The following EPS15 variants were observed in gnomAD, a reference collection of about 807,000 sequenced individuals.
EPS15 encodes epidermal growth factor receptor pathway substrate 15, also known as epidermal growth factor receptor substrate 15.
EPS15 carries 72 observed loss-of-function variants against 113.8 expected under a neutral mutation model. The ratio of observed to expected loss-of-function variants is 0.63; its 90% CI spans 0.52 to 0.77. The LOEUF (loss-of-function observed/expected upper bound fraction) is 0.77, where lower values mean the gene tolerates loss of function less well. Among genes scored for constraint, EPS15 ranks in the 30% least tolerant of loss-of-function variants. The pLI, the probability that EPS15 is intolerant of heterozygous loss-of-function variation, is 0.00. For synonymous variants in EPS15, 344 were observed against 363.4 expected (o/e 0.95, Z 0.61); for missense variants, 1,048 against 1,045.8 (o/e 1.00, Z -0.03).
chr1:51,399,184 A>C lies in EPS15; in HGVS notation c.1919-19T>G, dbSNP rs1293466098. ...AATGGATCTAAAAAAATAAGGCACG[A>C]ATATAAGAGACAAAAAAAAATTATT... On this transcript the variant is annotated intron_variant, in intron 19 of 24. Transcript: ENST00000371733. 6.2e-7 allele frequency: 1 copy of C among 1,607,944 alleles called. No homozygotes were observed. The highest frequency in any genetic ancestry group is 8.5e-7 in the Non-Finnish European group (1 of 1,177,120).
chr1:51,486,899 A>C (rs1372249755), intron 1 of EPS15, among the ~76,000 whole-genome samples: 1 of 151,872 alleles, frequency 6.6e-6, no homozygotes, highest in Non-Finnish European at 1.5e-5. Flanking sequence ...TGAACTCCTG[A>C]CCTCAGGTGA....
chr1:51,401,048 AGTTT>A, intron 18 of EPS15, 95 bp from the exon 19 acceptor site: 3 of 744,752 alleles, frequency 4.0e-6, no homozygotes, highest in Non-Finnish European at 6.6e-6. Flanking sequence ...AGCAAAGCAA[AGTTT>A]ATTTCAATAA....
chr1:51,373,857 AG>A (rs1454469051), intron 21 of EPS15, among the ~76,000 whole-genome samples: 1 of 152,178 alleles, frequency 6.6e-6, no homozygotes, highest in Non-Finnish European at 1.5e-5. Flanking sequence ...AGGCTGAGGC[AG>A]GAGAATCACT....
intron 1 of EPS15, among the ~76,000 whole-genome samples, chr1:51,483,791 C>A (rs1644067449): frequency 6.8e-6 from 1 of 147,888 alleles, no homozygotes; most frequent in South Asian, 2.2e-4. Context: ...AGCAAAAGAG[C>A]AAGACTCCAC....
At chr1:51,461,241 G>C in intron 7 of EPS15, 91 bp from the exon 8 acceptor site, 4 of 907,358 alleles carry the variant, frequency 4.4e-6, no homozygotes, top group Non-Finnish European at 7.2e-6. Flanking sequence ...AGCTAGGAAT[G>C]GTGGCTCATG....
chr1:51,429,741 C>T (rs1227921040), intron 12 of EPS15, among the ~76,000 whole-genome samples: 1 of 151,540 alleles, frequency 6.6e-6, no homozygotes, highest in Non-Finnish European at 1.5e-5. Flanking sequence ...ACCTCTGCCT[C>T]CCGCATTCAA....
At position 51,421,777 on chromosome 1, in the gene EPS15, G is replaced by T; in HGVS notation, c.1113+9C>A. The T allele has an allele frequency of 6.5e-7, 1 of 1,535,528 alleles. No individual in the cohort carries two copies. The highest frequency in any genetic ancestry group is 8.8e-7 in the Non-Finnish European group (1 of 1,132,386). The stretch of plus-strand genomic sequence containing the variant: ...CAGCAGTGGAACACTAAATTTTATG[G>T]TCACTTACCTGAACCTCACTTGTCC... On this transcript the variant is annotated intron_variant, in intron 13 of 24. Coordinates refer to ENST00000371733, the MANE Select transcript of EPS15 (RefSeq NM_001981.3).
intron 1 of EPS15, among the ~76,000 whole-genome samples, chr1:51,497,585 G>C (rs576758278): frequency 6.6e-6 from 1 of 152,114 alleles, no homozygotes; most frequent in Admixed American, 6.5e-5. Context: ...CCCAATTCAC[G>C]CATCTTAGAA....
intron 24 of EPS15, among the ~76,000 whole-genome samples, chr1:51,360,965 G>T (rs925503529): frequency 6.6e-6 from 1 of 152,108 alleles, no homozygotes; most frequent in Non-Finnish European, 1.5e-5. Flanking sequence ...CAAGAACTGG[G>T]ACTACTAAAA....
At chr1:51,460,840 G>C (rs1165339822) in intron 8 of EPS15, 2 of 347,008 alleles carry the variant, frequency 5.8e-6, no homozygotes, top group Non-Finnish European at 1.1e-5. Context: ...TGCAATCCCA[G>C]ATACTTGGGA....
Position 51,355,993 on chromosome 1 carries a change from T to G in EPS15, c.*707A>C, listed in dbSNP as rs1557759397. 5.2e-6 allele frequency: 1 copy of G among 193,040 alleles called. No individual in the cohort carries two copies. The highest frequency in any genetic ancestry group is 1.1e-5 in the Non-Finnish European group (1 of 92,620). 12.0% of individuals were successfully genotyped at this position (193,040 alleles called of 1,614,324 possible). A position where few individuals can be genotyped will look rare whatever the true frequency, so the allele number is the denominator to read the frequency against. On this transcript the variant is annotated 3_prime_UTR_variant, in exon 25 of 25. Coordinates refer to ENST00000371733, the MANE Select transcript of EPS15 (RefSeq NM_001981.3). ...GATTTTTATTAATTAGCAAACACAC[T>G]GAGAGGTATCTGTTGATCTAAAATT...
chr1:51,506,445 A>G (rs947754557), intron 1 of EPS15, among the ~76,000 whole-genome samples: 1 of 152,206 alleles, frequency 6.6e-6, no homozygotes, highest in Admixed American at 6.5e-5. Context: ...TTAAATATTT[A>G]TCAAACAGAC....
chr1:51,391,835 C>G (rs72694169), intron 21 of EPS15, among the ~76,000 whole-genome samples: 4,584 of 152,156 alleles, frequency 0.03, 74 homozygotes, highest in African/African-American at 0.05. Flanking sequence ...ATGAAGATGT[C>G]GAAGGTGCCA....
intron 4 of EPS15, 91 bp downstream of exon 4, chr1:51,471,599 A>G: frequency 9.6e-7 from 1 of 1,045,518 alleles, no homozygotes; most frequent in Non-Finnish European, 1.5e-6. Flanking sequence ...GTAAAAACCA[A>G]TTCTTGGCTT....
chr1:51,497,989 A>C (rs924448383), intron 1 of EPS15, among the ~76,000 whole-genome samples: 48 of 152,222 alleles, frequency 3.2e-4, no homozygotes, highest in East Asian at 3.9e-4. Flanking sequence ...AAAAAAAAAA[A>C]AACTAGTGTG....
At chr1:51,412,593 T>A (rs1467283426) in intron 13 of EPS15, among the ~76,000 whole-genome samples, 1 of 152,234 alleles carries the variant, frequency 6.6e-6, no homozygotes, top group Non-Finnish European at 1.5e-5. Context: ...CCAGCATGCC[T>A]AATTTTTTTC....
chr1:51,488,472 TAAAAAAAAA>T (rs71063033), intron 1 of EPS15, among the ~76,000 whole-genome samples: 1 of 85,304 alleles, frequency 1.2e-5, no homozygotes, highest in East Asian at 3.5e-4. Flanking sequence ...TAAAGTTTTG[TAAAAAAAAA>T]AAAAAAAAAA....
intron 21 of EPS15, among the ~76,000 whole-genome samples, chr1:51,379,720 C>T (rs1410325373): frequency 2.0e-5 from 3 of 151,758 alleles, no homozygotes; most frequent in Non-Finnish European, 4.4e-5. Context: ...AGTTTGAGAC[C>T]AGCCTGGCCA....
In EPS15 at chr1:51,356,594, A is replaced by C. The variant is rs1646222711; in HGVS notation, c.*106T>G. 1.0e-6 allele frequency: 1 copy of C among 968,510 alleles called. No homozygotes were observed. Among genetic ancestry groups the C allele is most frequent in the Non-Finnish European group, 1.5e-6 (1 of 681,300 alleles). The allele number at this position is 968,510 out of a possible 1,614,324, so 60.0% of individuals were successfully genotyped here. A position where few individuals can be genotyped will look rare whatever the true frequency, so the allele number is the denominator to read the frequency against. ...TTTGTCACATTTACAGGAATCTCAA[A>C]CCTTTTGTATTCCCATGCTCACAGG... On this transcript the variant is annotated 3_prime_UTR_variant, in exon 25 of 25. Coordinates refer to ENST00000371733, the MANE Select transcript of EPS15 (RefSeq NM_001981.3).
Sources: gnomAD v4.1 joint callset for allele counts (sites outside exome capture counted in the v4.1 genomes callset) on GRCh38, gnomAD v4.1.1 for gene constraint, MANE v1.5 for transcripts, NCBI Gene and HGNC (gene_info 2026-07-23, HGNC 2026-07-21) for gene names.